RAB37: variants seen among roughly 807,000 people sequenced by gnomAD.
The protein encoded by RAB37 is ras-related protein Rab-37.
RAB37 carries 29 observed loss-of-function variants against 33.1 expected under a neutral mutation model. The observed-to-expected ratio is 0.88, with a 90% CI of 0.65 to 1.20. RAB37 has a LOEUF of 1.20. Among genes scored for constraint, RAB37 ranks in the 50% most tolerant of loss-of-function variants. The pLI, the probability that RAB37 is intolerant of heterozygous loss-of-function variation, is 0.00. For synonymous variants in RAB37, 128 were observed against 119.5 expected (o/e 1.07, Z -0.47); for missense variants, 299 against 301.1 (o/e 0.99, Z 0.05).
At chr17:74,696,077 G>A (rs2032439344) in intron 1 of RAB37, 1 of 1,377,964 alleles carries the variant, frequency 7.3e-7, no homozygotes, top group African/African-American at 1.5e-5. Flanking sequence ...GGTGCCATGA[G>A]GACAGGATAC....
rs368222417 is a variant in RAB37 at position 74,713,716 on chromosome 17, G to A, written c.73-15540G>A. Among the ~76,000 whole-genome samples the A allele has an allele frequency of 1.2e-4, 19 of 152,060 alleles. No homozygotes were observed. The South Asian group carries it at 3.9e-3, about 32-fold the overall frequency. Reference sequence around the variant, plus strand: ...TGGCCAAAGTCAGAAAGCCAGAGGAGAGATTCCAGACCAAAGGTTGGAAGG... The same window carrying A: ...TGGCCAAAGTCAGAAAGCCAGAGGAAAGATTCCAGACCAAAGGTTGGAAGG... On this transcript the variant is annotated intron_variant, in intron 1 of 7. Coordinates refer to the RAB37 transcript ENST00000340415.
At chr17:74,734,201 T>G (rs146601669), upstream of RAB37, among the ~76,000 whole-genome samples, 155 of 152,332 alleles carry the variant, frequency 1.0e-3, no homozygotes, top group African/African-American at 3.6e-3. Flanking sequence ...ATGGCCTTGG[T>G]GGCTCCCAGG....
At chr17:74,701,847 CAAAAAAAAA>C (rs11321122) in intron 1 of RAB37, among the ~76,000 whole-genome samples, 2 of 86,678 alleles carry the variant, frequency 2.3e-5, no homozygotes, top group South Asian at 7.7e-4. Flanking sequence ...GAGAATCCGT[CAAAAAAAAA>C]AAAAAAAAAA....
intron 1 of RAB37, chr17:74,695,862 G>A (rs201735950): frequency 1.2e-6 from 2 of 1,612,750 alleles, no homozygotes; most frequent in Non-Finnish European, 1.7e-6. Context: ...TGCAGTACCT[G>A]GGACAGGGAA....
intron 1 of RAB37, among the ~76,000 whole-genome samples, chr17:74,714,431 A>ACACACACACACG (rs888843670): frequency 1.3e-5 from 2 of 150,728 alleles, no homozygotes; most frequent in African/African-American, 4.9e-5. Context: ...ACACACACAC[A>ACACACACACACG]CACGCACGCA....
At chr17:74,679,974 T>G (rs1040903917) in intron 1 of RAB37, among the ~76,000 whole-genome samples, 8 of 35,532 alleles carry the variant, frequency 2.3e-4, no homozygotes, top group Non-Finnish European at 6.3e-4. Flanking sequence ...CAAGGCTCTG[T>G]CTCAAAAAAA....
chr17:74,734,447 C>T (rs1415358550), upstream of RAB37, among the ~76,000 whole-genome samples: 2 of 152,190 alleles, frequency 1.3e-5, no homozygotes, highest in Non-Finnish European at 2.9e-5. Context: ...CTTTGGGGGA[C>T]AGAATTCAAC....
intron 1 of RAB37, chr17:74,704,816 C>A (rs958751860): frequency 6.2e-7 from 1 of 1,607,908 alleles, no homozygotes; most frequent in Non-Finnish European, 8.5e-7. Context: ...AATGGAGTAG[C>A]CTGGAAAACA....
In RAB37 at chr17:74,745,317, A is replaced by C; in HGVS notation, c.578A>C (p.Tyr193Ser). The C allele has an allele frequency of 6.2e-7, 1 of 1,613,924 alleles. No individual in the cohort carries two copies. Among genetic ancestry groups the C allele is most frequent in the Non-Finnish European group, 8.5e-7 (1 of 1,179,978 alleles). ...GTCTCTTCTTCAAGGGAACTGAAAT[A>C]CCGGGCCGGGCATCAGGCGGATGAG... is the stretch of plus-strand genomic sequence containing the variant. The part of the protein sequence containing the change: ...AFLAIAKELK[Y>S]RAGHQADEPS... Residue 193 changes from tyrosine to serine, a missense_variant, in exon 9 of 9, where the codon TAC becomes TCC. Transcript: ENST00000392613. The surrounding 1 kb of genome is among the most constrained non-coding windows in gnomAD (Gnocchi z 4.5).
chr17:74,695,304 C>T lies in RAB37; in HGVS notation c.72+23646C>T, dbSNP rs755011838. On this transcript the variant is annotated intron_variant, in intron 1 of 7. Transcript: ENST00000340415. ...AGAGGACGGCAGGAAGTGACGGTCA[C>T]GGGGCAGAGGAGCCCTCGGAGGAGG... is the stretch of plus-strand genomic sequence containing the variant. 78 of 1,604,118 alleles carry T rather than the reference C, an allele frequency of 4.9e-5. No individual in the cohort carries two copies. The Middle Eastern group carries it at 1.0e-3, about 20-fold the overall frequency.
chr17:74,743,164 C>T lies in RAB37; in HGVS notation c.282C>T (p.Ser94=), dbSNP rs763968925. 1.3e-5 allele frequency: 21 copies of T among 1,613,648 alleles called. No homozygotes were observed. The highest frequency in any genetic ancestry group is 1.6e-4 in the Middle Eastern group (1 of 6,084). The change falls in exon 4 of 9, where the codon AGC becomes AGT. Residue 94 remains serine (S), a synonymous_variant. Transcript: ENST00000392613. ...CCGCTGGGCAGGAACGGTTCCGAAG[C>T]GTCACCCATGCTTATTACAGAGATG... ...WDTAGQERFR[S]VTHAYYRDAQ...
intron 1 of RAB37, among the ~76,000 whole-genome samples, chr17:74,675,802 A>G (rs1046296449): frequency 2.6e-5 from 4 of 152,194 alleles, no homozygotes; most frequent in Non-Finnish European, 4.4e-5. Context: ...GCTGGTCCCA[A>G]TAGTTGGAGG....
Position 74,743,329 on chromosome 17 carries a change from G to A in RAB37, c.355G>A (p.Asp119Asn), listed in dbSNP as rs370945537. Reference protein sequence around the residue: ...LYDITNKSSFDNIRAWLTEIH... With the variant: ...LYDITNKSSFNNIRAWLTEIH... Reference sequence around the variant, plus strand: ...TGACATCACCAACAAATCTTCTTTCGACAACATCAGGGTAGGTCCTCCCTT... The same window carrying A: ...TGACATCACCAACAAATCTTCTTTCAACAACATCAGGGTAGGTCCTCCCTT... Residue 119 changes from aspartate to asparagine, a missense_variant, in exon 5 of 9, where the codon GAC becomes AAC. Transcript: ENST00000392613. The A allele has an allele frequency of 1.3e-5, 21 of 1,613,752 alleles. No individual in the cohort carries two copies. In the East Asian group the frequency reaches 3.6e-4, roughly 27 times the overall value.
chr17:74,686,640 C>T (rs1020417121), intron 1 of RAB37, among the ~76,000 whole-genome samples: 1 of 152,136 alleles, frequency 6.6e-6, no homozygotes, highest in African/African-American at 2.4e-5. Flanking sequence ...ATGATCCACC[C>T]ATCTAGCCCT....
intron 1 of RAB37, among the ~76,000 whole-genome samples, chr17:74,705,987 G>A (rs1231360864): frequency 6.6e-6 from 1 of 152,108 alleles, no homozygotes; most frequent in Non-Finnish European, 1.5e-5. Context: ...GTGAATTAAC[G>A]CAGAAACAGA....
upstream of RAB37, among the ~76,000 whole-genome samples, chr17:74,735,845 C>T (rs1172726802): frequency 2.6e-5 from 4 of 152,214 alleles, no homozygotes; most frequent in Admixed American, 1.3e-4. Context: ...CGTACAAAGT[C>T]AGTCCCCACA....
At position 74,671,646 on chromosome 17, in the gene RAB37, C is replaced by A; in HGVS notation, c.60C>A (p.His20Gln). Residue 20 changes from histidine (H) to glutamine (Q), a missense_variant, in exon 1 of 8, where the codon CAC becomes CAA. By Grantham distance (24) the His-to-Gln change is conservative (BLOSUM62 0). Coordinates refer to the RAB37 transcript ENST00000340415. The surrounding 1 kb of genome is among the most constrained non-coding windows in gnomAD (Gnocchi z 5.0). ...GAGCTGGCCCTGACTTCAACGACCA[C>A]GTCCTGCATAAGGTAAACATCTCCT... 3.1e-6 allele frequency: 5 copies of A among 1,614,162 alleles called. No homozygotes were observed. Among genetic ancestry groups the A allele is most frequent in the Non-Finnish European group, 4.2e-6 (5 of 1,179,964 alleles).
intron 1 of RAB37, among the ~76,000 whole-genome samples, chr17:74,722,766 C>T (rs1287280516): frequency 6.6e-6 from 1 of 152,152 alleles, no homozygotes; most frequent in African/African-American, 2.4e-5. Context: ...CTTCCCTGTA[C>T]CATTTCTCAT....
At chr17:74,703,666 T>C (rs993401505) in intron 1 of RAB37, among the ~76,000 whole-genome samples, 2 of 152,196 alleles carry the variant, frequency 1.3e-5, no homozygotes, top group Admixed American at 6.5e-5. Flanking sequence ...ATTGAGACAA[T>C]GCACGTTCAG....
Sources: allele counts gnomAD v4.1 joint callset (sites outside exome capture counted in the v4.1 genomes callset), GRCh38; gene constraint gnomAD v4.1.1; non-coding constraint Gnocchi (gnomAD v3.1); transcripts MANE v1.5; gene names NCBI Gene and HGNC (gene_info 2026-07-23, HGNC 2026-07-21).